DARS1: variants seen among roughly 807,000 people sequenced by gnomAD.
DARS1 encodes aspartate--tRNA ligase, cytoplasmic.
DARS1 carries 51 observed loss-of-function variants against 68.8 expected under a neutral mutation model. The ratio of observed to expected loss-of-function variants is 0.74; its 90% CI spans 0.59 to 0.94. The LOEUF (loss-of-function observed/expected upper bound fraction) is 0.94, where lower values mean the gene tolerates loss of function less well. DARS1 is among the 40% of genes least tolerant of loss of function. The probability of loss-of-function intolerance (pLI) is 0.00; values close to 1 mark genes in which losing one functional copy is unlikely to be tolerated. For synonymous variants in DARS1, 203 were observed against 190.4 expected (o/e 1.07, Z -0.55); for missense variants, 607 against 597.3 (o/e 1.02, Z -0.17).
At chr2:135,982,451 T>C (rs1245221662) in intron 2 of DARS1, among the ~76,000 whole-genome samples, 4 of 151,150 alleles carry the variant, frequency 2.6e-5, no homozygotes, top group Non-Finnish European at 5.9e-5. Flanking sequence ...AAAAAAAAAG[T>C]GAGGCGTGGC....
In DARS1 at chr2:135,985,472, G is replaced by A; in HGVS notation, c.-4C>T. On this transcript the variant is annotated 5_prime_UTR_variant, in exon 1 of 16. Transcript: ENST00000264161. ...GGCTGGCGCTGGCGCTGGGCATCGG[G>A]ACACGGAACTGGGCAGTGGACACCA... The A allele has an allele frequency of 1.9e-6, 3 of 1,613,996 alleles. No homozygotes were observed. Among genetic ancestry groups the A allele is most frequent in the Non-Finnish European group, 2.5e-6 (3 of 1,179,970 alleles).
intron 4 of DARS1, among the ~76,000 whole-genome samples, chr2:135,954,847 T>G (rs925646775): frequency 6.6e-6 from 1 of 152,072 alleles, no homozygotes; most frequent in African/African-American, 2.4e-5. Flanking sequence ...AATCTATCAA[T>G]AAACCCAAGA....
chr2:135,964,086 C>T (rs77546304), intron 3 of DARS1, among the ~76,000 whole-genome samples: 3 of 152,068 alleles, frequency 2.0e-5, no homozygotes, highest in South Asian at 2.1e-4. Flanking sequence ...GTATGCAGGG[C>T]GCTGGGAACA....
chr2:135,916,290 A>T lies in DARS1; in HGVS notation c.1042T>A (p.Tyr348Asn). 1 of 1,557,832 alleles carries T rather than the reference A, an allele frequency of 6.4e-7. No homozygotes were observed. The highest frequency in any genetic ancestry group is 8.9e-7 in the Non-Finnish European group (1 of 1,128,606). The change falls in exon 11 of 16, where the codon TAT becomes AAT. Residue 348 changes from tyrosine (Y) to asparagine (N), a missense_variant. Coordinates refer to ENST00000264161, the MANE Select transcript of DARS1 (RefSeq NM_001349.4). ...CTAAGCATAGCCAATGCTTCACAAT[A>T]TTCTAGTCTTAGAGTTGGCTCCAAA... is the stretch of plus-strand genomic sequence containing the variant. The part of the protein sequence containing the change: ...KFLEPTLRLE[Y>N]CEALAMLREA...
chr2:135,970,736 A>C (rs970989996), intron 3 of DARS1, among the ~76,000 whole-genome samples: 4 of 152,074 alleles, frequency 2.6e-5, no homozygotes, highest in Non-Finnish European at 1.5e-5. Flanking sequence ...AAGAGAAAAG[A>C]CCTAAATAAA....
chr2:135,928,228 G>A (rs1195486029), intron 7 of DARS1, among the ~76,000 whole-genome samples: 2 of 152,142 alleles, frequency 1.3e-5, no homozygotes, highest in African/African-American at 4.8e-5. Context: ...TGGCTGTAGA[G>A]AATTCCTGTT....
intron 14 of DARS1, 47 bp downstream of exon 14, chr2:135,911,335 A>G (rs749802384): frequency 2.3e-6 from 2 of 858,906 alleles, no homozygotes; most frequent in South Asian, 2.7e-5. Flanking sequence ...TTTACAATGT[A>G]TTATTTTCAG....
intron 3 of DARS1, among the ~76,000 whole-genome samples, chr2:135,975,374 C>T (rs536180861): frequency 7.9e-5 from 12 of 151,686 alleles, no homozygotes; most frequent in African/African-American, 2.2e-4. Context: ...AAAACCTATA[C>T]GCACAGACAT....
At chr2:135,937,138 G>T (rs1681488112) in intron 5 of DARS1, among the ~76,000 whole-genome samples, 1 of 152,036 alleles carries the variant, frequency 6.6e-6, no homozygotes, top group African/African-American at 2.4e-5. Context: ...ACGCAGGTTG[G>T]AGTGCAGTGG....
rs309172 is a variant in DARS1, at chr2:135,916,458, A to G, written c.960-86T>C. On this transcript the variant is annotated intron_variant, in intron 10 of 15. Transcript: ENST00000264161. ...TCACTGTGGCAATATACAAAAATCA[A>G]TCTTTGAATCAGTATATACACCAGG... 0.2 allele frequency: 142,904 copies of G among 706,908 alleles called. 17,972 individuals carry two copies. The highest frequency in any genetic ancestry group is 0.37 in the Middle Eastern group (1,368 of 3,704). 43.8% of individuals were successfully genotyped at this position (706,908 alleles called of 1,614,324 possible).
rs145214195 is a variant in DARS1 at position 135,957,509 on chromosome 2, C to T, written c.320+3887G>A. 8.4e-3 allele frequency among the ~76,000 whole-genome samples: 1,271 copies of T among 152,148 alleles called. 14 individuals are homozygous for T. The highest frequency in any genetic ancestry group is 0.027 in the African/African-American group (1,126 of 41,500). ...CTGGGATTACAGGTATGAGCCACCACGCTCGGCCGACTAATTTAAAAAAAA... is the reference window on the plus strand; with the variant it reads ...CTGGGATTACAGGTATGAGCCACCATGCTCGGCCGACTAATTTAAAAAAAA... On this transcript the variant is annotated intron_variant, in intron 4 of 15. Transcript: ENST00000264161.
At position 135,955,142 on chromosome 2, in the gene DARS1, C is replaced by T. The variant is rs200843602; in HGVS notation, c.320+6254G>A. On this transcript the variant is annotated intron_variant, in intron 4 of 15. Transcript: ENST00000264161. ...AAACTATTTCCATTTATTACCACCA[C>T]CAAAAAAAAAAAAAAAAGTCAATAA... is the stretch of plus-strand genomic sequence containing the variant. Among the ~76,000 whole-genome samples, 7 of 142,574 alleles carry T rather than the reference C, an allele frequency of 4.9e-5. No homozygotes were observed. In the South Asian group the frequency reaches 1.3e-3, roughly 27 times the overall value. 93.5% of individuals were successfully genotyped at this position (142,574 alleles called of 152,430 possible).
chr2:135,985,354 C>G, intron 1 of DARS1, 49 bp downstream of exon 1: 1 of 1,597,862 alleles, frequency 6.3e-7, no homozygotes. Flanking sequence ...CTCGGCGCAG[C>G]CCGGCCCAGG....
chr2:135,919,244 C>T (rs188209672), intron 10 of DARS1, among the ~76,000 whole-genome samples: 27 of 152,124 alleles, frequency 1.8e-4, no homozygotes, highest in Middle Eastern at 6.8e-3. Flanking sequence ...TTGGCCGGGT[C>T]GGTCTTGAAC....
chr2:135,942,589 C>T (rs111261866), intron 5 of DARS1, among the ~76,000 whole-genome samples: 3,456 of 151,738 alleles, frequency 0.023, 130 homozygotes, highest in African/African-American at 0.079. Context: ...ACCAACATGG[C>T]GCATGTATAC....
At chr2:135,985,205 C>G (rs1202082705) in intron 1 of DARS1, 198 bp downstream of exon 1, 3 of 842,358 alleles carry the variant, frequency 3.6e-6, no homozygotes, top group Non-Finnish European at 5.2e-6. Flanking sequence ...TCCCAGGTGA[C>G]CCCCGCAAGA....
rs11340194 is a variant in DARS1, at chr2:135,935,432, T to TA, written c.424-1443dup. Among the ~76,000 whole-genome samples the TA allele has an allele frequency of 8.9e-4, 134 of 149,770 alleles. 1 individual carries two copies. Among genetic ancestry groups the TA allele is most frequent in the African/African-American group, 3.2e-3 (131 of 40,862 alleles). On this transcript the variant is annotated intron_variant, in intron 5 of 15. Transcript: ENST00000264161. ...TAACAGAGTGAAACCCCATCTCTAC[T>TA]AAAAAAAAATACAAAAAATTAGTGG... is the stretch of plus-strand genomic sequence containing the variant.
Position 135,920,515 on chromosome 2 carries a change from G to A in DARS1, c.897C>T (p.Tyr299=). 1 of 1,613,634 alleles carries A rather than the reference G, an allele frequency of 6.2e-7. No homozygotes were observed. The highest frequency in any genetic ancestry group is 8.5e-7 in the Non-Finnish European group (1 of 1,179,830). ...LDIEMAFNYH[Y]HEVMEEIADT... is the part of the protein sequence containing the mutation. ...CAGCAATTTCTTCCATAACTTCGTG[G>A]TAATGGTAATTAAAAGCCATTTCAA... Residue 299 remains tyrosine (Y), a synonymous_variant, in exon 10 of 16, where the codon TAC becomes TAT. Coordinates refer to ENST00000264161, the MANE Select transcript of DARS1 (RefSeq NM_001349.4).
intron 12 of DARS1, among the ~76,000 whole-genome samples, chr2:135,913,424 T>A (rs1025105443): frequency 3.3e-5 from 5 of 152,088 alleles, no homozygotes; most frequent in African/African-American, 1.2e-4. Context: ...TTTTAGAGAA[T>A]GCTTACTATG....
Sources: allele counts gnomAD v4.1 joint callset (sites outside exome capture counted in the v4.1 genomes callset), GRCh38; gene constraint gnomAD v4.1.1; transcripts MANE v1.5; gene names NCBI Gene and HGNC (gene_info 2026-07-23, HGNC 2026-07-21).